Variants in MYO9A observed in about 807,000 individuals in gnomAD.
The protein encoded by MYO9A is myosin IXA.
In MYO9A, 103 loss-of-function variants were observed where a neutral mutation model predicts 293.3. That is an observed-to-expected ratio of 0.35 (90% CI 0.30 to 0.41). The LOEUF is 0.41. Ranked by LOEUF, MYO9A falls within the 10% of genes least tolerant of loss-of-function variation. The pLI is 1.00. For synonymous variants in MYO9A, 1,001 were observed against 1,035.7 expected, an observed-to-expected ratio of 0.97 and a Z score of 0.64; for missense variants, 2,685 against 3,033.0, an observed-to-expected ratio of 0.89 and a Z score of 2.69.
intron 15 of MYO9A, among the ~76,000 whole-genome samples, chr15:71,941,984 G>A (rs867157326): frequency 6.6e-6 from 1 of 151,938 alleles, no homozygotes; most frequent in South Asian, 2.1e-4. Flanking sequence ...AAAAAAGAAT[G>A]TTTATAGCAC....
intron 30 of MYO9A, among the ~76,000 whole-genome samples, chr15:71,878,913 T>C (rs2056785501): frequency 6.6e-6 from 1 of 151,758 alleles, no homozygotes; most frequent in Non-Finnish European, 1.5e-5. Flanking sequence ...TGCACCACCA[T>C]ACCTAGCTAA....
chr15:72,048,677 T>C (rs1416605721), intron 1 of MYO9A, among the ~76,000 whole-genome samples: 1 of 152,186 alleles, frequency 6.6e-6, no homozygotes, highest in Non-Finnish European at 1.5e-5. Context: ...CCTTAATGTG[T>C]TGTTCTTTAC....
chr15:71,861,713 C>A (rs2056141815), intron 33 of MYO9A, among the ~76,000 whole-genome samples: 1 of 146,770 alleles, frequency 6.8e-6, no homozygotes. Context: ...AAATAAGTTT[C>A]CTGACCTATA....
In MYO9A at chr15:71,965,590, A is replaced by G. The variant is rs183855167; in HGVS notation, c.1986+2394T>C. 4.9e-3 allele frequency among the ~76,000 whole-genome samples: 750 copies of G among 152,300 alleles called. 29 individuals are homozygous for G. Among genetic ancestry groups the G allele is most frequent in the Admixed American group, 0.045 (693 of 15,300 alleles). The stretch of plus-strand genomic sequence containing the variant: ...GTGAAACCCCATCTCTAGTAAAAAT[A>G]CAAAAATTCGCTGGGCGTGGTGGAG... On this transcript the variant is annotated intron_variant, in intron 13 of 41. Transcript: ENST00000356056.
intron 9 of MYO9A, among the ~76,000 whole-genome samples, chr15:71,998,811 G>A (rs1003170817): frequency 1.3e-5 from 2 of 151,740 alleles, no homozygotes; most frequent in African/African-American, 4.9e-5. Flanking sequence ...TCCCATCTAT[G>A]AGTGAGAACG....
intron 1 of MYO9A, among the ~76,000 whole-genome samples, chr15:72,056,877 A>G (rs1216507955): frequency 1.3e-5 from 2 of 152,218 alleles, no homozygotes; most frequent in Non-Finnish European, 2.9e-5. Flanking sequence ...TGGGAGGCTG[A>G]GGCGGGCGGA....
chr15:72,098,071 C>G (rs1036304542), intron 1 of MYO9A, among the ~76,000 whole-genome samples: 6 of 152,040 alleles, frequency 3.9e-5, no homozygotes, highest in Admixed American at 6.6e-5. Context: ...GATGTCCACA[C>G]CAGCATATAC....
At chr15:71,947,869 C>G (rs984860676) in intron 15 of MYO9A, among the ~76,000 whole-genome samples, 13 of 152,184 alleles carry the variant, frequency 8.5e-5, no homozygotes, top group Non-Finnish European at 1.3e-4. Flanking sequence ...TTTTCTACCC[C>G]TGCTCTCCTT....
At chr15:71,925,375 G>A (rs1362379306) in intron 18 of MYO9A, among the ~76,000 whole-genome samples, 10 of 149,296 alleles carry the variant, frequency 6.7e-5, no homozygotes, top group African/African-American at 2.0e-4. Flanking sequence ...ACATATATAC[G>A]TATATACGTG....
intron 26 of MYO9A, 22 bp downstream of exon 26, chr15:71,893,657 T>G: frequency 1.1e-5 from 17 of 1,576,328 alleles, no homozygotes; most frequent in Non-Finnish European, 1.5e-5. Context: ...AGAAGATAGA[T>G]AAACAAAAAC....
intron 39 of MYO9A, among the ~76,000 whole-genome samples, chr15:71,836,298 C>A (rs2054938880): frequency 6.6e-6 from 1 of 151,730 alleles, no homozygotes; most frequent in East Asian, 1.9e-4. Flanking sequence ...ATGTTAGAGT[C>A]ACAACAAAAA....
chr15:71,952,197 G>A (rs989857915), intron 14 of MYO9A, among the ~76,000 whole-genome samples: 1 of 152,192 alleles, frequency 6.6e-6, no homozygotes, highest in East Asian at 1.9e-4. Context: ...AAAGCAATTT[G>A]TATGATTTAT....
chr15:71,833,693 G>A (rs2625530), intron 39 of MYO9A, among the ~76,000 whole-genome samples: 29,476 of 151,800 alleles, frequency 0.19, 3,070 homozygotes, highest in East Asian at 0.39. Context: ...TTATCTGACC[G>A]TTAAAGTAAT....
chr15:71,872,512 T>C (rs1276680492), intron 32 of MYO9A, among the ~76,000 whole-genome samples: 1 of 152,206 alleles, frequency 6.6e-6, no homozygotes, highest in Non-Finnish European at 1.5e-5. Flanking sequence ...CTCAAGGTGA[T>C]ACATTCCCCA....
intron 13 of MYO9A, among the ~76,000 whole-genome samples, chr15:71,967,387 T>A (rs1165283082): frequency 6.6e-6 from 1 of 152,164 alleles, no homozygotes; most frequent in East Asian, 1.9e-4. Context: ...AATGGATGAA[T>A]AAATGATCTT....
intron 9 of MYO9A, 136 bp downstream of exon 9, chr15:71,999,715 G>A (rs2076810835): frequency 1.7e-6 from 1 of 573,798 alleles, no homozygotes; most frequent in Non-Finnish European, 3.0e-6. Context: ...ACAATCAAAT[G>A]TAAAGGCCTA....
chr15:71,987,944 C>A (rs1167141373), intron 11 of MYO9A, among the ~76,000 whole-genome samples: 2 of 151,982 alleles, frequency 1.3e-5, no homozygotes, highest in Admixed American at 6.6e-5. Flanking sequence ...ATGAGAATCA[C>A]CCATCTTCCA....
chr15:72,021,023 GGAAAC>G lies in MYO9A; in HGVS notation c.999-11_999-7del, dbSNP rs1280016750. 11 of 1,530,156 alleles carry G rather than the reference GGAAAC, an allele frequency of 7.2e-6. No homozygotes were observed. Among genetic ancestry groups the G allele is most frequent in the Non-Finnish European group, 9.6e-6 (11 of 1,141,022 alleles). 94.8% of individuals were successfully genotyped at this position (1,530,156 alleles called of 1,614,324 possible). On this transcript the variant is annotated splice_polypyrimidine_tract_variant and splice_region_variant and intron_variant, in intron 4 of 41. Transcript: ENST00000356056. ...AATAGAATACATGATAGTTCCTGTG[GGAAAC>G]AAAGAAGTACAAGTTTCATAATGTG...
chr15:72,065,023 G>C (rs2078978301), intron 1 of MYO9A, among the ~76,000 whole-genome samples: 1 of 152,150 alleles, frequency 6.6e-6, no homozygotes, highest in Non-Finnish European at 1.5e-5. Flanking sequence ...CCAGAAACAG[G>C]CTCCTATACA....
Sources: allele counts gnomAD v4.1 joint callset (sites outside exome capture counted in the v4.1 genomes callset), GRCh38; gene constraint gnomAD v4.1.1; transcripts MANE v1.5; gene names NCBI Gene and HGNC (gene_info 2026-07-23, HGNC 2026-07-21).